EDA2R: variants seen among roughly 807,000 people sequenced by gnomAD.
The protein encoded by EDA2R is ectodysplasin A2 receptor.
A neutral mutation model predicts 20.1 loss-of-function variants in EDA2R; 26 were observed. The ratio of observed to expected loss-of-function variants is 1.30; its 90% CI spans 0.95 to 1.80. The LOEUF is 1.80. EDA2R is among the 40% of genes most tolerant of loss of function. The pLI is 0.00. For synonymous variants in EDA2R, 114 were observed against 88.7 expected, an observed-to-expected ratio of 1.29 and a Z score of -1.60; for missense variants, 277 against 228.7, an observed-to-expected ratio of 1.21 and a Z score of -1.36.
At chrX:66,620,792 A>T (rs1932463555) in intron 1 of EDA2R, among the ~76,000 whole-genome samples, 1 of 109,386 alleles carries the variant, frequency 9.1e-6, no homozygotes, top group Admixed American at 9.9e-5. Context: ...TATATAGAAA[A>T]CTCTTGCAAC....
chrX:66,629,513 G>C (rs1338335566), intron 1 of EDA2R, among the ~76,000 whole-genome samples: 5 of 111,762 alleles, frequency 4.5e-5, no homozygotes, highest in African/African-American at 1.6e-4. Flanking sequence ...CAAGACTAAA[G>C]TACAGAATTC....
At chrX:66,599,915 G>T in intron 5 of EDA2R, 55 bp from the exon 6 acceptor site, 1 of 1,170,850 alleles carries the variant, frequency 8.5e-7, no homozygotes, top group Non-Finnish European at 1.1e-6. Context: ...GCTCTTCTCA[G>T]CTGGGCACTG....
chrX:66,598,776 T>A (rs1927926753), intron 6 of EDA2R, among the ~76,000 whole-genome samples: 1 of 112,266 alleles, frequency 8.9e-6, no homozygotes, highest in Non-Finnish European at 1.9e-5. Flanking sequence ...ATGTATTAAC[T>A]GAAGAAATAC....
intron 2 of EDA2R, 148 bp downstream of exon 2, chrX:66,615,786 C>T (rs1931572731): frequency 8.7e-6 from 4 of 458,189 alleles, no homozygotes; most frequent in African/African-American, 2.4e-5. Flanking sequence ...ATCATGACTG[C>T]TATTGCATAC....
chrX:66,615,861 C>A, intron 2 of EDA2R, 73 bp downstream of exon 2: 1 of 874,399 alleles, frequency 1.1e-6, no homozygotes, highest in Non-Finnish European at 1.7e-6. Flanking sequence ...CTCCCCTAAT[C>A]TTGGCCTCTT....
At chrX:66,598,379 C>T (rs1294387304) in intron 6 of EDA2R, among the ~76,000 whole-genome samples, 1 of 111,808 alleles carries the variant, frequency 8.9e-6, no homozygotes, top group Non-Finnish European at 1.9e-5. Context: ...TATCTTAAAG[C>T]AGAGGAAACT....
intron 1 of EDA2R, among the ~76,000 whole-genome samples, chrX:66,617,223 C>T (rs1215428798): frequency 6.2e-5 from 7 of 112,134 alleles, no homozygotes; most frequent in Non-Finnish European, 1.1e-4. Flanking sequence ...TCCCCAAAAG[C>T]GACAGGTTAA....
intron 1 of EDA2R, among the ~76,000 whole-genome samples, chrX:66,621,201 C>G (rs772411458): frequency 9.0e-6 from 1 of 111,088 alleles, no homozygotes; most frequent in Admixed American, 9.6e-5. Flanking sequence ...TGCTTGAACC[C>G]GGGAGGCAGA....
intron 5 of EDA2R, among the ~76,000 whole-genome samples, chrX:66,601,188 G>A (rs1040474208): frequency 8.9e-6 from 1 of 112,113 alleles, no homozygotes; most frequent in African/African-American, 3.2e-5. Context: ...TAGAAGGAGA[G>A]CAGAAAAGGG....
intron 1 of EDA2R, among the ~76,000 whole-genome samples, chrX:66,618,327 A>G (rs1040832661): frequency 6.2e-5 from 7 of 112,593 alleles, no homozygotes; most frequent in Admixed American, 3.8e-4. Context: ...GCGTATGTGT[A>G]AAACTACCTA....
At chrX:66,600,145 CT>C (rs1928294088) in intron 5 of EDA2R, 1 of 981,910 alleles carries the variant, frequency 1.0e-6, no homozygotes, top group Non-Finnish European at 1.4e-6. Context: ...TACCATCTCC[CT>C]TGCCATAATC....
chrX:66,608,945 T>C (rs1277143897), intron 2 of EDA2R, among the ~76,000 whole-genome samples: 2 of 112,051 alleles, frequency 1.8e-5, no homozygotes, highest in African/African-American at 6.5e-5. Context: ...TTGCATAACA[T>C]TGTGAATGTG....
At chrX:66,624,298 C>G (rs2147931325) in intron 1 of EDA2R, among the ~76,000 whole-genome samples, 1 of 111,586 alleles carries the variant, frequency 9.0e-6, no homozygotes, top group East Asian at 2.8e-4. Flanking sequence ...ATGGGTAGAT[C>G]ACATGAGGTC....
rs1239410551 is a variant in EDA2R at position 66,595,738 on chromosome X, G to A, written c.*2366C>T. ...ATCTACACATGCATATGGCTCAAGA[G>A]TTAACAAAATTTCTATAAATAACCC... On this transcript the variant is annotated 3_prime_UTR_variant, in exon 7 of 7. Transcript: ENST00000374719. The A allele has an allele frequency of 1.8e-5, 2 of 111,839 alleles. No homozygotes were observed. The highest frequency in any genetic ancestry group is 6.5e-5 in the African/African-American group (2 of 30,732). 9.2% of individuals were successfully genotyped at this position (111,839 alleles called of 1,213,427 possible).
chrX:66,631,925 T>C (rs1933855768), intron 1 of EDA2R, among the ~76,000 whole-genome samples: 1 of 112,081 alleles, frequency 8.9e-6, no homozygotes, highest in Non-Finnish European at 1.9e-5. Context: ...CCAACAAGCA[T>C]ATACAATATG....
At chrX:66,602,868 A>T in intron 4 of EDA2R, 71 bp from the exon 5 acceptor site, 1 of 990,186 alleles carries the variant, frequency 1.0e-6, no homozygotes, top group South Asian at 2.5e-5. Flanking sequence ...CTGGACCTGG[A>T]CTTCCTCAGG....
intron 2 of EDA2R, among the ~76,000 whole-genome samples, chrX:66,613,484 C>A (rs1240871264): frequency 9.0e-6 from 1 of 111,195 alleles, no homozygotes; most frequent in Non-Finnish European, 1.9e-5. Flanking sequence ...AACCAAAATT[C>A]TCATAAAGTC....
chrX:66,601,384 G>A (rs767390189), intron 5 of EDA2R, among the ~76,000 whole-genome samples: 1 of 111,977 alleles, frequency 8.9e-6, no homozygotes, highest in African/African-American at 3.2e-5. Flanking sequence ...GAGTCACAGT[G>A]TCCCAGGAGC....
chrX:66,633,211 G>C (rs1934011690), intron 1 of EDA2R, among the ~76,000 whole-genome samples: 1 of 111,802 alleles, frequency 8.9e-6, no homozygotes, highest in African/African-American at 3.3e-5. Flanking sequence ...AACAAACAAA[G>C]CACAAACCTC....
Sources: gnomAD v4.1 joint callset for allele counts (sites outside exome capture counted in the v4.1 genomes callset) on GRCh38, gnomAD v4.1.1 for gene constraint, MANE v1.5 for transcripts, NCBI Gene and HGNC (gene_info 2026-07-23, HGNC 2026-07-21) for gene names.